ADCK1: variants seen among roughly 807,000 people sequenced by gnomAD.
ADCK1 encodes aarF domain containing kinase 1.
ADCK1 carries 41 observed loss-of-function variants against 52.3 expected under a neutral mutation model. The ratio of observed to expected loss-of-function variants is 0.78; its 90% confidence interval spans 0.61 to 1.02. The LOEUF (loss-of-function observed/expected upper bound fraction) is 1.02, where lower values mean the gene tolerates loss of function less well. Among genes scored for constraint, ADCK1 ranks in the 50% least tolerant of loss-of-function variants. The pLI, the probability that ADCK1 is intolerant of heterozygous loss-of-function variation, is 0.00. For missense variants in ADCK1, 658 were observed against 679.5 expected, an observed-to-expected ratio of 0.97 and a Z score of 0.35; for synonymous variants, 250 against 274.6, an observed-to-expected ratio of 0.91 and a Z score of 0.89.
chr14:77,847,595 C>T (rs2140105679), intron 3 of ADCK1, among the ~76,000 whole-genome samples: 2 of 152,150 alleles, frequency 1.3e-5, no homozygotes, highest in African/African-American at 4.8e-5. Flanking sequence ...CACAAAAAAC[C>T]CACTTCATAC....
intron 3 of ADCK1, among the ~76,000 whole-genome samples, chr14:77,855,142 C>T (rs879274529): frequency 2.0e-5 from 3 of 152,228 alleles, no homozygotes; most frequent in Admixed American, 2.0e-4. Context: ...CGTGGCCTGG[C>T]ATGGCATGCC....
rs1403109351 is a variant in ADCK1 at position 77,817,955 on chromosome 14, G to A, written c.-11-1013G>A. On this transcript the variant is annotated intron_variant, in intron 1 of 10. Coordinates refer to ENST00000238561, the MANE Select transcript of ADCK1 (RefSeq NM_020421.4). ...GGGTTTCATCGTGTTAGCCAGGATG[G>A]TCTTGATCTCCTGACCTTGTGATCT... 5.9e-5 allele frequency among the ~76,000 whole-genome samples: 9 copies of A among 151,888 alleles called. No homozygotes were observed. The South Asian group carries it at 1.3e-3, about 21-fold the overall frequency.
chr14:77,917,719 CT>C lies in ADCK1; in HGVS notation c.859-6730del, dbSNP rs1046605924. Among the ~76,000 whole-genome samples, 33 of 152,004 alleles carry C rather than the reference CT, an allele frequency of 2.2e-4. 1 individual carries two copies. Among genetic ancestry groups the C allele is most frequent in the Non-Finnish European group, 8.8e-5 (6 of 67,972 alleles). On this transcript the variant is annotated intron_variant, in intron 7 of 10. Coordinates refer to ENST00000238561, the MANE Select transcript of ADCK1 (RefSeq NM_020421.4). ...GAACAATTAAAAGATTTCTCATTGA[CT>C]TTTTTTTCCTAAATGGCACTGTACT... is the stretch of plus-strand genomic sequence containing the variant.
At chr14:77,811,414 C>T (rs1396959962) in intron 1 of ADCK1, among the ~76,000 whole-genome samples, 2 of 152,092 alleles carry the variant, frequency 1.3e-5, no homozygotes, top group Non-Finnish European at 2.9e-5. Context: ...AGCAGCTTGC[C>T]TATGGTCACC....
chr14:77,883,852 A>G (rs1302419903), intron 4 of ADCK1, among the ~76,000 whole-genome samples: 1 of 152,176 alleles, frequency 6.6e-6, no homozygotes, highest in Admixed American at 6.5e-5. Context: ...TGAGTTGGCC[A>G]CTGGGATTAG....
chr14:77,839,113 T>C (rs902694529), intron 3 of ADCK1, among the ~76,000 whole-genome samples: 1 of 152,092 alleles, frequency 6.6e-6, no homozygotes, highest in Non-Finnish European at 1.5e-5. Context: ...CTGAGTGCCC[T>C]AAAGGAGATA....
chr14:77,831,698 C>T (rs113555484), intron 3 of ADCK1, among the ~76,000 whole-genome samples: 2,248 of 152,006 alleles, frequency 0.015, 56 homozygotes, highest in African/African-American at 0.051. Flanking sequence ...AGTCCTCTTG[C>T]CTTGGCCTCC....
intron 9 of ADCK1, among the ~76,000 whole-genome samples, chr14:77,926,653 G>A (rs10149478): frequency 0.099 from 15,115 of 152,226 alleles, 835 homozygotes; most frequent in Middle Eastern, 0.15. Flanking sequence ...GCTAATTTTT[G>A]TGTTTTTAGT....
chr14:77,818,471 G>A (rs773568673), intron 1 of ADCK1, among the ~76,000 whole-genome samples: 5 of 152,076 alleles, frequency 3.3e-5, no homozygotes, highest in African/African-American at 4.8e-5. Flanking sequence ...TCGTAGAGAC[G>A]GGGTTTCGTC....
At chr14:77,806,931 T>C (rs1202677138) in intron 1 of ADCK1, among the ~76,000 whole-genome samples, 2 of 151,904 alleles carry the variant, frequency 1.3e-5, no homozygotes, top group East Asian at 3.9e-4. Context: ...CCTGAGCTGG[T>C]CTTGAACTCC....
intron 3 of ADCK1, among the ~76,000 whole-genome samples, chr14:77,857,312 CA>C (rs1312605487): frequency 3.3e-5 from 5 of 151,866 alleles, no homozygotes; most frequent in African/African-American, 9.7e-5. Context: ...GACCCTTTCT[CA>C]AAAAAAATTG....
chr14:77,809,487 G>A (rs780283891), intron 1 of ADCK1, among the ~76,000 whole-genome samples: 3 of 151,682 alleles, frequency 2.0e-5, no homozygotes, highest in African/African-American at 4.8e-5. Flanking sequence ...CCACCACCAC[G>A]CCTGGCTAAT....
intron 4 of ADCK1, among the ~76,000 whole-genome samples, chr14:77,874,266 A>T (rs1421632332): frequency 6.6e-6 from 1 of 152,210 alleles, no homozygotes; most frequent in Admixed American, 6.5e-5. Flanking sequence ...AGAGCTATAG[A>T]CTGAACTTTG....
At chr14:77,863,236 G>A (rs935195584) in intron 4 of ADCK1, among the ~76,000 whole-genome samples, 10 of 152,142 alleles carry the variant, frequency 6.6e-5, no homozygotes, top group African/African-American at 2.2e-4. Context: ...TGAGATATAC[G>A]GAGTGGGGTG....
chr14:77,907,833 G>C lies in ADCK1; in HGVS notation c.772G>C (p.Glu258Gln). The C allele has an allele frequency of 6.2e-7, 1 of 1,614,094 alleles. No individual in the cohort carries two copies. The highest frequency in any genetic ancestry group is 2.2e-5 in the East Asian group (1 of 44,876). The change falls in exon 7 of 11, where the codon GAG becomes CAG. Residue 258 changes from glutamate (E) to glutamine (Q), a missense_variant. Physicochemically the swap from Glu to Gln is conservative, Grantham distance 29 (BLOSUM62 2). Coordinates refer to ENST00000238561, the MANE Select transcript of ADCK1 (RefSeq NM_020421.4). Reference protein sequence around the residue: ...VPRIHWDLSTERVLLMEFVDG... With the variant: ...VPRIHWDLSTQRVLLMEFVDG... Reference sequence around the variant, plus strand: ...CCGAATCCACTGGGACCTGTCCACGGAGCGGGTCCTCCTGATGGAGTTTGT... The same window carrying C: ...CCGAATCCACTGGGACCTGTCCACGCAGCGGGTCCTCCTGATGGAGTTTGT...
At chr14:77,913,978 T>G (rs2083857203) in intron 7 of ADCK1, among the ~76,000 whole-genome samples, 1 of 152,188 alleles carries the variant, frequency 6.6e-6, no homozygotes, top group Non-Finnish European at 1.5e-5. Flanking sequence ...TCCCAGAGCA[T>G]CAGTCTCCAT....
intron 6 of ADCK1, among the ~76,000 whole-genome samples, chr14:77,903,787 GA>G (rs1231823401): frequency 6.6e-6 from 1 of 152,178 alleles, no homozygotes; most frequent in Non-Finnish European, 1.5e-5. Context: ...AAACCCTGAG[GA>G]GATGTGCATG....
chr14:77,857,944 G>C (rs1012929904), intron 3 of ADCK1, among the ~76,000 whole-genome samples: 2 of 152,160 alleles, frequency 1.3e-5, no homozygotes, highest in African/African-American at 4.8e-5. Flanking sequence ...GCTCCTAGAA[G>C]GTAGGACCTT....
Position 77,924,551 on chromosome 14 carries a change from A to C in ADCK1, c.953A>C (p.Lys318Thr). ...DPHPGNVLVR[K>T]HPGTGKAEIV... ...CACCCCGGCAATGTACTGGTGCGGA[A>C]GCACCCCGGCACGGGAAAGGCGGAG... is the stretch of plus-strand genomic sequence containing the variant. The change falls in exon 8 of 11, where the codon AAG becomes ACG. Residue 318 changes from lysine (K) to threonine (T), a missense_variant. By Grantham distance (78) the Lys-to-Thr change is moderately conservative (BLOSUM62 -1). Transcript: ENST00000238561. 6.2e-7 allele frequency: 1 copy of C among 1,613,802 alleles called. No homozygotes were observed. The highest frequency in any genetic ancestry group is 1.1e-5 in the South Asian group (1 of 91,090).
Sources: allele counts gnomAD v4.1 joint callset (sites outside exome capture counted in the v4.1 genomes callset), GRCh38; gene constraint gnomAD v4.1.1; transcripts MANE v1.5; gene names NCBI Gene and HGNC (gene_info 2026-07-23, HGNC 2026-07-21).